Variants in SYNJ1 observed in about 807,000 individuals in gnomAD.
SYNJ1 encodes the protein polyphosphatidylinositol phosphatase SYNJ1.
Under a neutral mutation model 168.2 loss-of-function variants are expected in SYNJ1, and 78 were observed. The ratio of observed to expected loss-of-function variants is 0.46; its 90% confidence interval spans 0.39 to 0.56. SYNJ1 has a LOEUF of 0.56. Among genes scored for constraint, SYNJ1 ranks in the 20% least tolerant of loss-of-function variants. The probability of loss-of-function intolerance (pLI) is 0.00; values close to 1 mark genes in which losing one functional copy is unlikely to be tolerated. For missense variants in SYNJ1, 1,303 were observed against 1,597.6 expected, an observed-to-expected ratio of 0.82 and a Z score of 3.14; for synonymous variants, 539 against 548.6, an observed-to-expected ratio of 0.98 and a Z score of 0.24.
At chr21:32,676,446 G>C in intron 12 of SYNJ1, 91 bp from the exon 13 acceptor site, 1 of 1,259,714 alleles carries the variant, frequency 7.9e-7, no homozygotes, top group Non-Finnish European at 1.1e-6. Context: ...ATTTTGAGAA[G>C]ACCTCACTTA....
At chr21:32,683,245 G>C (rs1260873593) in intron 10 of SYNJ1, among the ~76,000 whole-genome samples, 1 of 151,830 alleles carries the variant, frequency 6.6e-6, no homozygotes, top group Non-Finnish European at 1.5e-5. Flanking sequence ...ACTTGCAGAG[G>C]AGGGAAGACT....
chr21:32,725,455 C>T (rs182335497), intron 2 of SYNJ1, among the ~76,000 whole-genome samples: 9 of 152,288 alleles, frequency 5.9e-5, no homozygotes, highest in African/African-American at 2.2e-4. Context: ...ATTATTTATA[C>T]TTATTTCTTG....
intron 1 of SYNJ1, 168 bp from the exon 2 acceptor site, chr21:32,727,085 C>G: frequency 1.2e-6 from 1 of 868,074 alleles, no homozygotes; most frequent in Non-Finnish European, 1.7e-6. Context: ...TAAGTCGTCA[C>G]TTAATTTTAC....
intron 3 of SYNJ1, 34 bp downstream of exon 3, chr21:32,701,927 A>G (rs1601476358): frequency 6.9e-7 from 1 of 1,452,258 alleles, no homozygotes; most frequent in East Asian, 2.3e-5. Flanking sequence ...TAGAAATGAA[A>G]AAATGGATGA....
At chr21:32,702,882 G>T (rs1411603925) in intron 2 of SYNJ1, among the ~76,000 whole-genome samples, 1 of 152,168 alleles carries the variant, frequency 6.6e-6, no homozygotes, top group Non-Finnish European at 1.5e-5. Flanking sequence ...CAACACTGAC[G>T]TGTTCCACGT....
At chr21:32,688,538 C>T (rs771653733) in intron 6 of SYNJ1, among the ~76,000 whole-genome samples, 171 bp from the exon 7 acceptor site, 8 of 152,106 alleles carry the variant, frequency 5.3e-5, no homozygotes, top group Non-Finnish European at 8.8e-5. Flanking sequence ...GGAATTTCCA[C>T]CCTCCACCTT....
At chr21:32,671,639 C>A (rs1238907060) in intron 14 of SYNJ1, among the ~76,000 whole-genome samples, 1 of 152,122 alleles carries the variant, frequency 6.6e-6, no homozygotes, top group East Asian at 1.9e-4. Flanking sequence ...ATAATGGTGT[C>A]TATGAAATAA....
intron 2 of SYNJ1, 143 bp downstream of exon 2, chr21:32,726,629 G>A: frequency 1.8e-6 from 2 of 1,107,420 alleles, no homozygotes; most frequent in Non-Finnish European, 2.4e-6. Context: ...AAATAAGTTT[G>A]ATTAAAAGGA....
chr21:32,702,085 A>G (rs765621648), intron 2 of SYNJ1, 38 bp from the exon 3 acceptor site: 2 of 1,423,224 alleles, frequency 1.4e-6, no homozygotes, highest in African/African-American at 2.8e-5. Context: ...AAATGACCTG[A>G]AACATTGGAT....
chr21:32,692,626 C>A (rs774450644), intron 6 of SYNJ1, among the ~76,000 whole-genome samples: 1 of 152,192 alleles, frequency 6.6e-6, no homozygotes, highest in African/African-American at 2.4e-5. Flanking sequence ...ATTAGCCAAC[C>A]AGACCGTATA....
rs770547278 is a variant in SYNJ1, at chr21:32,700,098, A to T, written c.219T>A (p.Thr73=). ...TGACTAGGACCAGATAATGTAACAT[A>T]GTATCACCTGCAAAACCCAAAGATT... is the stretch of plus-strand genomic sequence containing the variant. The part of the protein sequence containing the change: ...LGVLRLNLGD[T]MLHYLVLVTG... Residue 73 remains threonine, a synonymous_variant, in exon 4 of 33, where the codon ACT becomes ACA. Coordinates refer to ENST00000674351, the MANE Select transcript of SYNJ1 (RefSeq NM_203446.3). The T allele has an allele frequency of 6.3e-7, 1 of 1,596,368 alleles. No homozygotes were observed. The highest frequency in any genetic ancestry group is 1.7e-5 in the Admixed American group (1 of 57,812).
chr21:32,655,047 G>C (rs1019276977), intron 21 of SYNJ1, among the ~76,000 whole-genome samples: 53 of 152,312 alleles, frequency 3.5e-4, no homozygotes, highest in Non-Finnish European at 5.0e-4. Context: ...TATAATGTTA[G>C]GTTAATGCCT....
In SYNJ1 at chr21:32,645,791, T is replaced by C. The variant is rs1057524880; in HGVS notation, c.3248-2A>G. ...CTGGCTGCGCGTCAATAGGAGAACC[T>C]AAAAAGCGCACAGGAGGTAAGAAGA... On this transcript the variant is annotated splice_acceptor_variant, in intron 24 of 32. Coordinates refer to ENST00000674351, the MANE Select transcript of SYNJ1 (RefSeq NM_203446.3). LOFTEE classifies it high-confidence loss of function. 1 of 1,482,182 alleles carries C rather than the reference T, an allele frequency of 6.7e-7. No individual in the cohort carries two copies. Among genetic ancestry groups the C allele is most frequent in the Non-Finnish European group, 9.0e-7 (1 of 1,113,726 alleles). The allele number at this position is 1,482,182 out of a possible 1,614,324, so 91.8% of individuals were successfully genotyped here. A position where few individuals can be genotyped will look rare whatever the true frequency, so the allele number is the denominator to read the frequency against.
At chr21:32,644,930 A>G (rs1425824345) in intron 26 of SYNJ1, 38 bp downstream of exon 26, 1 of 1,596,528 alleles carries the variant, frequency 6.3e-7, no homozygotes, top group East Asian at 2.3e-5. Flanking sequence ...ACATTAATGA[A>G]CCACGATTCA....
At chr21:32,723,437 G>C (rs184113693) in intron 2 of SYNJ1, among the ~76,000 whole-genome samples, 184 of 152,308 alleles carry the variant, frequency 1.2e-3, no homozygotes, top group Middle Eastern at 3.4e-3. Flanking sequence ...TAAAGACCAA[G>C]TCCTGCTAAG....
intron 32 of SYNJ1, among the ~76,000 whole-genome samples, chr21:32,632,195 T>C (rs905765057): frequency 7.9e-5 from 12 of 152,250 alleles, no homozygotes; most frequent in African/African-American, 2.9e-4. Context: ...AATAAAATTC[T>C]AACACCCATC....
chr21:32,673,898 T>C (rs772507135), intron 13 of SYNJ1, among the ~76,000 whole-genome samples: 1 of 152,212 alleles, frequency 6.6e-6, no homozygotes, highest in Non-Finnish European at 1.5e-5. Context: ...AATATAGCAA[T>C]TAACTTTCTA....
At chr21:32,726,501 GA>G in intron 2 of SYNJ1, among the ~76,000 whole-genome samples, 1 of 152,144 alleles carries the variant, frequency 6.6e-6, no homozygotes, top group Middle Eastern at 3.4e-3. Context: ...TATTTCTTTG[GA>G]AAAAACATTT....
chr21:32,727,902 G>A (rs940070613), intron 1 of SYNJ1, 44 bp downstream of exon 1: 34 of 1,529,696 alleles, frequency 2.2e-5, no homozygotes, highest in Non-Finnish European at 2.9e-5. Context: ...GGCTGCCCGT[G>A]GGTCTGGCCG....
Sources: gnomAD v4.1 joint callset for allele counts (sites outside exome capture counted in the v4.1 genomes callset) on GRCh38, gnomAD v4.1.1 for gene constraint, MANE v1.5 for transcripts, NCBI Gene and HGNC (gene_info 2026-07-23, HGNC 2026-07-21) for gene names.